Variants in NEK10 observed in about 807,000 individuals in gnomAD.
NEK10 encodes the protein serine/threonine-protein kinase Nek10.
Under a neutral mutation model 159.8 loss-of-function variants are expected in NEK10, and 122 were observed. The ratio of observed to expected loss-of-function variants is 0.76; its 90% confidence interval spans 0.66 to 0.89. The LOEUF (loss-of-function observed/expected upper bound fraction) is 0.89. Ranked by LOEUF, NEK10 falls within the 40% of genes least tolerant of loss-of-function variation. The probability of loss-of-function intolerance (pLI) is 0.00; values close to 1 mark genes in which losing one functional copy is unlikely to be tolerated. For missense variants in NEK10, 1,342 were observed against 1,323.1 expected (o/e 1.01, Z -0.22); for synonymous variants, 466 against 457.1 (o/e 1.02, Z -0.25).
intron 31 of NEK10, among the ~76,000 whole-genome samples, chr3:27,137,893 C>A (rs905278266): frequency 6.6e-6 from 1 of 152,200 alleles, no homozygotes; most frequent in Admixed American, 6.5e-5. Flanking sequence ...CCAAAGAAGG[C>A]GGTTCCTTGT....
intron 33 of NEK10, among the ~76,000 whole-genome samples, 156 bp downstream of exon 33, chr3:27,119,604 T>C (rs191895650): frequency 6.6e-6 from 1 of 152,328 alleles, no homozygotes; most frequent in African/African-American, 2.4e-5. Flanking sequence ...AGGGAATTTC[T>C]AGATTCCTAC....
Position 27,284,818 on chromosome 3 carries a change from T to A in NEK10, c.1911+22A>T, listed in dbSNP as rs746463081. ...CAGAACATTACTGTTTTAAGAAAAA[T>A]TTAATGAAGATAAAAGCATACCTGT... On this transcript the variant is annotated intron_variant, in intron 21 of 35. Transcript: ENST00000691995. 17 of 1,566,708 alleles carry A rather than the reference T, an allele frequency of 1.1e-5. No homozygotes were observed. The Admixed American group carries it at 1.5e-4, about 14-fold the overall frequency.
chr3:27,356,849 T>C (rs141748849), intron 1 of NEK10, among the ~76,000 whole-genome samples: 1 of 152,330 alleles, frequency 6.6e-6, no homozygotes, highest in East Asian at 1.9e-4. Flanking sequence ...TTCTTTGAAC[T>C]AGCTTATAAG....
At chr3:27,311,849 A>T in intron 8 of NEK10, 1 of 424,734 alleles carries the variant, frequency 2.4e-6, no homozygotes, top group Non-Finnish European at 4.2e-6. Context: ...TTTTACCAAA[A>T]TTTGCTTTTA....
intron 5 of NEK10, among the ~76,000 whole-genome samples, chr3:27,335,543 C>A (rs2149732926): frequency 6.6e-6 from 1 of 152,222 alleles, no homozygotes; most frequent in African/African-American, 2.4e-5. Flanking sequence ...TATCCAACAA[C>A]TCAACAACTG....
intron 23 of NEK10, among the ~76,000 whole-genome samples, chr3:27,221,775 C>T (rs912964513): frequency 6.6e-6 from 1 of 152,184 alleles, no homozygotes; most frequent in East Asian, 1.9e-4. Flanking sequence ...CCTCCACCCC[C>T]ACTAGCCCTG....
At chr3:27,301,869 T>C (rs2043851536) in intron 12 of NEK10, 34 bp from the exon 13 acceptor site, 1 of 1,520,100 alleles carries the variant, frequency 6.6e-7, no homozygotes. Context: ...AGACCATTTA[T>C]CAATTTCCCT....
intron 12 of NEK10, 37 bp from the exon 13 acceptor site, chr3:27,301,872 A>T: frequency 6.6e-7 from 1 of 1,513,408 alleles, no homozygotes; most frequent in Non-Finnish European, 9.0e-7. Flanking sequence ...CCATTTATCA[A>T]TTTCCCTTCA....
At chr3:27,277,531 C>A (rs771924417) in intron 22 of NEK10, among the ~76,000 whole-genome samples, 2 of 152,226 alleles carry the variant, frequency 1.3e-5, no homozygotes, top group African/African-American at 2.4e-5. Flanking sequence ...CCCCACCCAC[C>A]AAGGCTCCTT....
chr3:27,146,554 A>C (rs1446973226), intron 30 of NEK10, among the ~76,000 whole-genome samples: 5 of 152,184 alleles, frequency 3.3e-5, no homozygotes, highest in Non-Finnish European at 5.9e-5. Flanking sequence ...CTACAATACA[A>C]ATTTACTCTC....
rs13319166 is a variant in NEK10 at position 27,217,865 on chromosome 3, A to C, written c.2091-15308T>G. ...ATGCCTGAAACCAAAGATAGTACCA[A>C]ACCCTATACAAACTTTTTTCCCTAG... On this transcript the variant is annotated intron_variant, in intron 23 of 35. Coordinates refer to ENST00000691995, the MANE Select transcript of NEK10 (RefSeq NM_001394966.1). Among the ~76,000 whole-genome samples, 903 of 152,294 alleles carry C rather than the reference A, an allele frequency of 5.9e-3. 10 individuals are homozygous for C. The highest frequency in any genetic ancestry group is 0.021 in the African/African-American group (861 of 41,564).
intron 23 of NEK10, among the ~76,000 whole-genome samples, chr3:27,218,604 CAAA>C (rs534568582): frequency 4.4e-5 from 3 of 67,442 alleles, no homozygotes; most frequent in Admixed American, 1.8e-4. Flanking sequence ...GTCTCCATCT[CAAA>C]AAAAAAAAAA....
intron 23 of NEK10, among the ~76,000 whole-genome samples, chr3:27,217,267 C>T (rs13085724): frequency 0.63 from 95,370 of 151,984 alleles, 31,539 homozygotes; most frequent in African/African-American, 0.85. Context: ...TATTCGTCCA[C>T]TCTCGCATTG....
chr3:27,294,767 T>G (rs1284593224), intron 15 of NEK10, among the ~76,000 whole-genome samples: 1 of 151,874 alleles, frequency 6.6e-6, no homozygotes, highest in African/African-American at 2.4e-5. Flanking sequence ...CAAAATGACT[T>G]GGGGGAAAAA....
At chr3:27,238,398 C>A (rs1954179897) in intron 23 of NEK10, among the ~76,000 whole-genome samples, 1 of 152,074 alleles carries the variant, frequency 6.6e-6, no homozygotes, top group South Asian at 2.1e-4. Context: ...TACGAATATT[C>A]TTAATGGGAT....
intron 22 of NEK10, among the ~76,000 whole-genome samples, chr3:27,272,667 T>C (rs1263581530): frequency 6.6e-6 from 1 of 152,144 alleles, no homozygotes; most frequent in Non-Finnish European, 1.5e-5. Flanking sequence ...TGATTGTCCA[T>C]TTACTCATTT....
At chr3:27,206,852 G>T (rs1444713178) in intron 23 of NEK10, among the ~76,000 whole-genome samples, 3 of 152,088 alleles carry the variant, frequency 2.0e-5, no homozygotes, top group African/African-American at 7.2e-5. Context: ...CAGGACAAAG[G>T]CCTGAGCATC....
chr3:27,356,865 T>A (rs1402324543), intron 1 of NEK10, among the ~76,000 whole-genome samples: 3 of 152,168 alleles, frequency 2.0e-5, no homozygotes, highest in African/African-American at 7.2e-5. Context: ...ATAAGCCTCC[T>A]ATGGCAGGGA....
chr3:27,171,360 G>C (rs930390418), intron 29 of NEK10, among the ~76,000 whole-genome samples: 3 of 152,134 alleles, frequency 2.0e-5, no homozygotes, highest in Non-Finnish European at 4.4e-5. Flanking sequence ...ATAACATCTC[G>C]GTCATATCCT....
Sources: allele counts gnomAD v4.1 joint callset (sites outside exome capture counted in the v4.1 genomes callset), GRCh38; gene constraint gnomAD v4.1.1; transcripts MANE v1.5; gene names NCBI Gene and HGNC (gene_info 2026-07-23, HGNC 2026-07-21).